Variants in FAM20A observed in about 807,000 individuals in gnomAD.
The protein encoded by FAM20A is pseudokinase FAM20A.
Under a neutral mutation model 52.0 loss-of-function variants are expected in FAM20A, and 42 were observed. The observed-to-expected ratio is 0.81, with a 90% CI of 0.63 to 1.04. The LOEUF (loss-of-function observed/expected upper bound fraction) is 1.04. Ranked by LOEUF, FAM20A falls within the 50% of genes least tolerant of loss-of-function variation. The probability of loss-of-function intolerance (pLI) is 0.00; values close to 1 mark genes in which losing one functional copy is unlikely to be tolerated. For missense variants in FAM20A, 742 were observed against 712.7 expected, an observed-to-expected ratio of 1.04 and a Z score of -0.47; for synonymous variants, 304 against 298.9, an observed-to-expected ratio of 1.02 and a Z score of -0.18.
chr17:68,585,602 A>G (rs995496236), intron 1 of FAM20A, among the ~76,000 whole-genome samples: 2 of 152,186 alleles, frequency 1.3e-5, no homozygotes, highest in Non-Finnish European at 2.9e-5. Context: ...TCCTAAATGC[A>G]CTGCCACTCA....
At chr17:68,599,719 C>T (rs957255411) in intron 1 of FAM20A, among the ~76,000 whole-genome samples, 2 of 152,196 alleles carry the variant, frequency 1.3e-5, no homozygotes, top group African/African-American at 2.4e-5. Flanking sequence ...CCCTTGTGAT[C>T]TCTGAAACTG....
intron 1 of FAM20A, among the ~76,000 whole-genome samples, chr17:68,559,756 G>A (rs1365540433): frequency 6.6e-6 from 1 of 152,106 alleles, no homozygotes. Flanking sequence ...TAATGTTGCT[G>A]GTGTTTTTCC....
chr17:68,574,232 T>C (rs939638934), intron 1 of FAM20A, among the ~76,000 whole-genome samples: 4 of 152,054 alleles, frequency 2.6e-5, no homozygotes, highest in African/African-American at 7.2e-5. Flanking sequence ...GCCCGGCTAA[T>C]TTTGTTTATT....
In FAM20A at chr17:68,540,946, A is replaced by G. The variant is rs781432698; in HGVS notation, c.1122T>C (p.Asn374=). ...GTTTCACTGTGTCACAGTAAAGGGG[A>G]TTGACCTCCCACCTGAGGGGGAGAA... is the stretch of plus-strand genomic sequence containing the variant. The part of the protein sequence containing the change: ...TLAGKEEWEV[N]PLYCDTVKQI... The change falls in exon 8 of 11, where the codon AAT becomes AAC. Residue 374 remains asparagine (N), a synonymous_variant. Coordinates refer to ENST00000592554, the MANE Select transcript of FAM20A (RefSeq NM_017565.4). The G allele has an allele frequency of 1.6e-5, 25 of 1,591,910 alleles. No homozygotes were observed. The Admixed American group carries it at 4.2e-4, about 27-fold the overall frequency.
At chr17:68,553,224 A>G (rs1431087129) in intron 3 of FAM20A, among the ~76,000 whole-genome samples, 2 of 152,024 alleles carry the variant, frequency 1.3e-5, no homozygotes, top group African/African-American at 4.8e-5. Context: ...TCCTGCCACC[A>G]TGTGAGATGT....
intron 1 of FAM20A, among the ~76,000 whole-genome samples, chr17:68,566,854 G>A (rs1034392598): frequency 1.3e-5 from 2 of 152,152 alleles, no homozygotes; most frequent in African/African-American, 4.8e-5. Context: ...GAAAATAAAC[G>A]GTCAACATGA....
chr17:68,591,169 C>G (rs1337106768), intron 1 of FAM20A, among the ~76,000 whole-genome samples: 2 of 152,002 alleles, frequency 1.3e-5, no homozygotes, highest in Non-Finnish European at 2.9e-5. Flanking sequence ...TGCAGTGGCG[C>G]GATCTCGGCT....
At chr17:68,551,320 T>C (rs1418124112) in intron 4 of FAM20A, 2 of 408,118 alleles carry the variant, frequency 4.9e-6, no homozygotes, top group Non-Finnish European at 8.5e-6. Flanking sequence ...AAACATGTAA[T>C]TGACTTCCTA....
At chr17:68,587,257 C>T (rs2088187594) in intron 1 of FAM20A, among the ~76,000 whole-genome samples, 1 of 152,210 alleles carries the variant, frequency 6.6e-6, no homozygotes, top group South Asian at 2.1e-4. Context: ...GTACAGCTCA[C>T]AGAGAGTTCT....
At chr17:68,568,138 G>A (rs1289222894) in intron 1 of FAM20A, among the ~76,000 whole-genome samples, 1 of 151,798 alleles carries the variant, frequency 6.6e-6, no homozygotes. Context: ...AGTTTACTAA[G>A]GCTGCCATAA....
At position 68,536,461 on chromosome 17, in the gene FAM20A, C is replaced by T. The variant is rs948310085; in HGVS notation, c.*1016G>A. The T allele has an allele frequency of 2.2e-6, 1 of 453,952 alleles. No homozygotes were observed. The highest frequency in any genetic ancestry group is 4.4e-6 in the Non-Finnish European group (1 of 226,788). The allele number at this position is 453,952 out of a possible 1,614,324, so 28.1% of individuals were successfully genotyped here. Reference sequence around the variant, plus strand: ...GGAGAAGGTAGAGGAGACAAGGAATCCCTACTACACTTTCTTCTAAGGGAG... The same window carrying T: ...GGAGAAGGTAGAGGAGACAAGGAATTCCTACTACACTTTCTTCTAAGGGAG... On this transcript the variant is annotated 3_prime_UTR_variant, in exon 11 of 11. Transcript: ENST00000592554.
chr17:68,581,410 CTTT>C (rs2087971987), intron 1 of FAM20A, among the ~76,000 whole-genome samples: 1 of 137,154 alleles, frequency 7.3e-6, no homozygotes, highest in Non-Finnish European at 1.6e-5. Context: ...TTCTTTCTTT[CTTT>C]CTTTTTCTCT....
chr17:68,600,957 T>G lies in FAM20A; in HGVS notation c.-291A>C. On this transcript the variant is annotated 5_prime_UTR_variant, in exon 1 of 11. Transcript: ENST00000592554. This position sits in a 1 kb window ranked among gnomAD's most constrained non-coding sequence, Gnocchi z 6.2. ...GGGTGCCCGCTTCTTGCGCCTTTTCTCCCGTGCGCCCGCCCGCCCGGACGC... is the reference window on the plus strand; with the variant it reads ...GGGTGCCCGCTTCTTGCGCCTTTTCGCCCGTGCGCCCGCCCGCCCGGACGC... The G allele has an allele frequency of 3.5e-5, 10 of 283,522 alleles. No homozygotes were observed. Among genetic ancestry groups the G allele is most frequent in the East Asian group, 5.9e-5 (1 of 16,872 alleles). The allele number at this position is 283,522 out of a possible 1,614,324, so 17.6% of individuals were successfully genotyped here. A position where few individuals can be genotyped will look rare whatever the true frequency, so the allele number is the denominator to read the frequency against.
At chr17:68,552,767 C>T (rs1477829768) in intron 3 of FAM20A, among the ~76,000 whole-genome samples, 3 of 111,744 alleles carry the variant, frequency 2.7e-5, no homozygotes, top group Non-Finnish European at 4.0e-5. Context: ...CTGCAAGCTC[C>T]GCTTCCCGGG....
rs770686510 is a variant in FAM20A at position 68,600,493 on chromosome 17, G to C, written c.174C>G (p.Ala58=). ...GRASSLARDS[A]AAASDPGTIV... is the part of the protein sequence containing the mutation. ...TCGTGCCGGGGTCCGAGGCAGCTGC[G>C]GCCGAGTCCCGCGCCAGGGAGGAGG... Residue 58 remains alanine, a synonymous_variant, in exon 1 of 11, where the codon GCC becomes GCG. Transcript: ENST00000592554. This position sits in a 1 kb window ranked among gnomAD's most constrained non-coding sequence, Gnocchi z 6.2. The C allele has an allele frequency of 6.3e-7, 1 of 1,595,550 alleles. No homozygotes were observed. The highest frequency in any genetic ancestry group is 8.5e-7 in the Non-Finnish European group (1 of 1,171,576).
At chr17:68,545,775 T>C (rs2086526597) in intron 4 of FAM20A, among the ~76,000 whole-genome samples, 1 of 152,234 alleles carries the variant, frequency 6.6e-6, no homozygotes, top group Non-Finnish European at 1.5e-5. Context: ...GTTTGCATAA[T>C]ATTCTAAATC....
At chr17:68,541,123 C>T in intron 7 of FAM20A, 165 bp from the exon 8 acceptor site, 1 of 948,160 alleles carries the variant, frequency 1.1e-6, no homozygotes, top group Non-Finnish European at 1.5e-6. Context: ...ACGCGTAAGG[C>T]TGCATATTCC....
In FAM20A at chr17:68,600,945, T is replaced by A. The variant is rs1465091902; in HGVS notation, c.-279A>T. ...ATGGGGTTCCCGGGGTGCCCGCTTCTTGCGCCTTTTCTCCCGTGCGCCCGC... is the reference window on the plus strand; with the variant it reads ...ATGGGGTTCCCGGGGTGCCCGCTTCATGCGCCTTTTCTCCCGTGCGCCCGC... On this transcript the variant is annotated 5_prime_UTR_variant, in exon 1 of 11. In the 5' UTR this introduces an upstream ATG that the reference lacks. Coordinates refer to ENST00000592554, the MANE Select transcript of FAM20A (RefSeq NM_017565.4). This position sits in a 1 kb window ranked among gnomAD's most constrained non-coding sequence, Gnocchi z 6.2. 1 of 369,120 alleles carries A rather than the reference T, an allele frequency of 2.7e-6. No homozygotes were observed. Among genetic ancestry groups the A allele is most frequent in the Non-Finnish European group, 4.8e-6 (1 of 208,360 alleles). The allele number at this position is 369,120 out of a possible 1,614,324, so 22.9% of individuals were successfully genotyped here. A position where few individuals can be genotyped will look rare whatever the true frequency, so the allele number is the denominator to read the frequency against.
intron 1 of FAM20A, among the ~76,000 whole-genome samples, chr17:68,581,400 T>TTCTC (rs2087966463): frequency 6.8e-6 from 1 of 147,684 alleles, no homozygotes; most frequent in Non-Finnish European, 1.5e-5. Flanking sequence ...CTTTCTTTCT[T>TTCTC]TCTTTCTTTC....
Sources: allele counts gnomAD v4.1 joint callset (sites outside exome capture counted in the v4.1 genomes callset), GRCh38; gene constraint gnomAD v4.1.1; non-coding constraint Gnocchi (gnomAD v3.1); transcripts MANE v1.5; gene names NCBI Gene and HGNC (gene_info 2026-07-23, HGNC 2026-07-21).